MNAT1: variants seen among roughly 807,000 people sequenced by gnomAD.
MNAT1 encodes CDK-activating kinase assembly factor MAT1.
In MNAT1, 43 loss-of-function variants were observed where a neutral mutation model predicts 42.0. The ratio of observed to expected loss-of-function variants is 1.02; its 90% CI spans 0.80 to 1.32. The LOEUF (loss-of-function observed/expected upper bound fraction) is 1.32, where lower values mean the gene tolerates loss of function less well. MNAT1 is among the 40% of genes most tolerant of loss of function. The pLI, the probability that MNAT1 is intolerant of heterozygous loss-of-function variation, is 0.00. For missense variants in MNAT1, 306 were observed against 350.4 expected (o/e 0.87, Z 1.01); for synonymous variants, 118 against 120.0 (o/e 0.98, Z 0.11).
intron 7 of MNAT1, among the ~76,000 whole-genome samples, chr14:60,889,684 A>G (rs1390104671): frequency 6.6e-6 from 1 of 152,154 alleles, no homozygotes; most frequent in Non-Finnish European, 1.5e-5. Context: ...ATGGGAGAAA[A>G]TTTTCACAAC....
chr14:60,951,529 G>T (rs570729592), intron 7 of MNAT1, among the ~76,000 whole-genome samples: 1 of 151,796 alleles, frequency 6.6e-6, no homozygotes, highest in African/African-American at 2.4e-5. Context: ...TGCTTAACCT[G>T]TCCATTGAAA....
chr14:60,854,614 G>A (rs965597833), intron 6 of MNAT1, among the ~76,000 whole-genome samples: 1 of 152,144 alleles, frequency 6.6e-6, no homozygotes, highest in Non-Finnish European at 1.5e-5. Flanking sequence ...TGTTCACTTG[G>A]GTATCACCAG....
chr14:60,930,205 C>CA (rs1566563580), intron 7 of MNAT1, among the ~76,000 whole-genome samples: 5 of 76,890 alleles, frequency 6.5e-5, no homozygotes, highest in Non-Finnish European at 1.1e-4. Flanking sequence ...CTTCTTCCGT[C>CA]TTTATTATTA....
At chr14:60,767,735 G>A (rs1403136220) in intron 1 of MNAT1, among the ~76,000 whole-genome samples, 1 of 151,324 alleles carries the variant, frequency 6.6e-6, no homozygotes, top group African/African-American at 2.4e-5. Flanking sequence ...TGAGTAGCTG[G>A]GATTACAGGC....
intron 7 of MNAT1, among the ~76,000 whole-genome samples, chr14:60,906,682 T>C (rs1018639467): frequency 1.3e-5 from 2 of 152,164 alleles, no homozygotes; most frequent in Admixed American, 6.5e-5. Context: ...TAAGGGGTTG[T>C]GTTGTTTATA....
At chr14:60,814,153 T>C (rs950878655) in intron 5 of MNAT1, among the ~76,000 whole-genome samples, 1 of 152,170 alleles carries the variant, frequency 6.6e-6, no homozygotes, top group Non-Finnish European at 1.5e-5. Context: ...AAGTTTATAT[T>C]GACTGTTTAC....
chr14:60,903,072 G>C (rs2035106369), intron 7 of MNAT1, among the ~76,000 whole-genome samples: 1 of 145,990 alleles, frequency 6.8e-6, no homozygotes, highest in African/African-American at 2.5e-5. Context: ...GTTTCTTTCT[G>C]TTTTTTTTTC....
chr14:60,899,693 C>A (rs2035032384), intron 7 of MNAT1, among the ~76,000 whole-genome samples: 1 of 152,078 alleles, frequency 6.6e-6, no homozygotes, highest in African/African-American at 2.4e-5. Context: ...CTCTTATTGG[C>A]AAAGCAATTA....
At chr14:60,866,095 A>C (rs1401444547) in intron 6 of MNAT1, among the ~76,000 whole-genome samples, 1 of 152,134 alleles carries the variant, frequency 6.6e-6, no homozygotes, top group African/African-American at 2.4e-5. Flanking sequence ...GAAAACAACA[A>C]AAGTAGCAAA....
At chr14:60,904,057 G>C (rs910187874) in intron 7 of MNAT1, among the ~76,000 whole-genome samples, 2 of 151,998 alleles carry the variant, frequency 1.3e-5, no homozygotes, top group African/African-American at 4.8e-5. Context: ...TTTTTTAGTA[G>C]AGATGGGGTT....
intron 7 of MNAT1, among the ~76,000 whole-genome samples, chr14:60,910,030 A>G (rs368880830): frequency 1.3e-5 from 2 of 152,170 alleles, no homozygotes; most frequent in South Asian, 2.1e-4. Flanking sequence ...TCCTTGAAGA[A>G]GTCCTTCACA....
intron 7 of MNAT1, among the ~76,000 whole-genome samples, chr14:60,881,230 G>C (rs2034544607): frequency 6.6e-6 from 1 of 152,086 alleles, no homozygotes; most frequent in South Asian, 2.1e-4. Context: ...TGTCACCCAG[G>C]CTGGAGTGCA....
intron 7 of MNAT1, among the ~76,000 whole-genome samples, chr14:60,880,313 A>G (rs1466331427): frequency 6.6e-6 from 1 of 152,156 alleles, no homozygotes; most frequent in Admixed American, 6.5e-5. Context: ...TTCAACAGTC[A>G]TATTATATAT....
chr14:60,805,844 G>T (rs751555088), intron 3 of MNAT1, among the ~76,000 whole-genome samples: 1 of 152,194 alleles, frequency 6.6e-6, no homozygotes, highest in African/African-American at 2.4e-5. Flanking sequence ...TACCATTCAT[G>T]TGTGGGTTTT....
chr14:60,836,987 A>G (rs2033409238), intron 6 of MNAT1, among the ~76,000 whole-genome samples: 1 of 152,068 alleles, frequency 6.6e-6, no homozygotes, highest in Non-Finnish European at 1.5e-5. Flanking sequence ...GCTTTGTGGC[A>G]CTGCCAAACT....
At chr14:60,796,084 T>C in intron 1 of MNAT1, 133 bp from the exon 2 acceptor site, 1 of 725,036 alleles carries the variant, frequency 1.4e-6, no homozygotes, top group Non-Finnish European at 2.0e-6. Flanking sequence ...CCAGAAAGTT[T>C]TTTGGTAAGA....
chr14:60,734,842 G>C lies in MNAT1; in HGVS notation c.-21G>C. On this transcript the variant is annotated 5_prime_UTR_variant, in exon 1 of 8. Transcript: ENST00000261245. This position sits in a 1 kb window ranked among gnomAD's most constrained non-coding sequence, Gnocchi z 4.3. ...CTGGCTGAAACAGGCGCCTGCGAGA[G>C]TCTGTAGGAGGGAAACCGCCATGGA... 6.2e-7 allele frequency: 1 copy of C among 1,613,268 alleles called. No individual in the cohort carries two copies.
chr14:60,903,604 AT>A (rs1209823966), intron 7 of MNAT1, among the ~76,000 whole-genome samples: 1 of 152,194 alleles, frequency 6.6e-6, no homozygotes, highest in East Asian at 1.9e-4. Flanking sequence ...CAGCCACGAT[AT>A]AGAATATTTG....
chr14:60,786,799 A>C (rs2031666335), intron 1 of MNAT1, among the ~76,000 whole-genome samples: 1 of 152,206 alleles, frequency 6.6e-6, no homozygotes, highest in Non-Finnish European at 1.5e-5. Flanking sequence ...AATGAAGACT[A>C]TCTGGCATCT....
Sources: allele counts gnomAD v4.1 joint callset (sites outside exome capture counted in the v4.1 genomes callset), GRCh38; gene constraint gnomAD v4.1.1; non-coding constraint Gnocchi (gnomAD v3.1); transcripts MANE v1.5; gene names NCBI Gene and HGNC (gene_info 2026-07-23, HGNC 2026-07-21).